The following ADAMTSL1 variants were observed in gnomAD, a reference collection of about 807,000 sequenced individuals.
ADAMTSL1 encodes ADAMTS like 1, also known as ADAMTS-like protein 1.
In ADAMTSL1, 126 loss-of-function variants were observed where a neutral mutation model predicts 201.8. The ratio of observed to expected loss-of-function variants is 0.62; its 90% confidence interval spans 0.54 to 0.72. The LOEUF is 0.72. Ranked by LOEUF, ADAMTSL1 falls within the 30% of genes least tolerant of loss-of-function variation. ADAMTSL1 has a pLI of 0.00. For missense variants in ADAMTSL1, 2,679 were observed against 2,277.8 expected (o/e 1.18, Z -3.59); for synonymous variants, 1,121 against 903.4 (o/e 1.24, Z -4.32).
intron 2 of ADAMTSL1, among the ~76,000 whole-genome samples, chr9:18,278,333 G>C (rs546393734): frequency 1.3e-5 from 2 of 152,258 alleles, no homozygotes; most frequent in African/African-American, 4.8e-5. Context: ...TGGTACAGCA[G>C]GTCTAGAGGT....
chr9:18,074,325 A>G (rs1195400947), intron 1 of ADAMTSL1, among the ~76,000 whole-genome samples: 6 of 152,174 alleles, frequency 3.9e-5, no homozygotes, highest in Admixed American at 3.3e-4. Context: ...CAAAAGATGG[A>G]GTGCATAGAA....
At chr9:18,544,140 T>C (rs1820334036) in intron 3 of ADAMTSL1, among the ~76,000 whole-genome samples, 5 of 152,180 alleles carry the variant, frequency 3.3e-5, no homozygotes, top group Admixed American at 3.3e-4. Context: ...ATAATAGTAA[T>C]GCTCAGTTAT....
At chr9:18,835,791 G>A (rs900535785) in intron 23 of ADAMTSL1, among the ~76,000 whole-genome samples, 1 of 152,034 alleles carries the variant, frequency 6.6e-6, no homozygotes, top group African/African-American at 2.4e-5. Context: ...TCCTGCTTAG[G>A]ATAATGGCCT....
intron 3 of ADAMTSL1, among the ~76,000 whole-genome samples, chr9:18,539,216 C>T (rs1371735557): frequency 1.3e-5 from 2 of 152,192 alleles, no homozygotes; most frequent in African/African-American, 4.8e-5. Flanking sequence ...ATTTATTGAA[C>T]ACCCAACTCC....
intron 4 of ADAMTSL1, among the ~76,000 whole-genome samples, chr9:18,587,624 C>G (rs992723666): frequency 1.3e-5 from 2 of 152,138 alleles, no homozygotes; most frequent in Non-Finnish European, 2.9e-5. Flanking sequence ...ACCAACTTCT[C>G]TTTATTGTTC....
chr9:17,994,514 G>A (rs904934529), intron 1 of ADAMTSL1, among the ~76,000 whole-genome samples: 2 of 151,946 alleles, frequency 1.3e-5, no homozygotes, highest in African/African-American at 4.8e-5. Flanking sequence ...TTAGATATTC[G>A]GTATATTCAG....
chr9:18,893,738 G>A (rs1829441157), intron 26 of ADAMTSL1, among the ~76,000 whole-genome samples: 3 of 152,160 alleles, frequency 2.0e-5, no homozygotes, highest in Admixed American at 2.0e-4. Flanking sequence ...TCAAACTGTA[G>A]ATGCTTCTCA....
intron 23 of ADAMTSL1, among the ~76,000 whole-genome samples, chr9:18,852,683 A>G (rs1469108243): frequency 1.3e-5 from 2 of 152,222 alleles, no homozygotes; most frequent in East Asian, 3.9e-4. Context: ...AAACTAATGA[A>G]AAGAGAATGA....
At chr9:18,692,120 T>TCC (rs1831262175) in intron 13 of ADAMTSL1, among the ~76,000 whole-genome samples, 1 of 152,152 alleles carries the variant, frequency 6.6e-6, no homozygotes, top group Non-Finnish European at 1.5e-5. Context: ...CTTCTGAGGG[T>TCC]CTTTGAAGAC....
intron 2 of ADAMTSL1, among the ~76,000 whole-genome samples, chr9:18,275,885 A>G (rs1832568496): frequency 6.6e-6 from 1 of 152,104 alleles, no homozygotes; most frequent in Non-Finnish European, 1.5e-5. Flanking sequence ...ACCTCAGGGT[A>G]GGATTGTAGG....
intron 14 of ADAMTSL1, among the ~76,000 whole-genome samples, chr9:18,711,403 C>A (rs1201822078): frequency 1.3e-5 from 2 of 152,210 alleles, no homozygotes; most frequent in African/African-American, 4.8e-5. Flanking sequence ...CGTGCGCGAG[C>A]CGAAGCAGGG....
At chr9:18,503,421 G>GTGTATACATATATATA (rs376466829) in intron 1 of ADAMTSL1, among the ~76,000 whole-genome samples, 6 of 115,274 alleles carry the variant, frequency 5.2e-5, no homozygotes, top group African/African-American at 1.8e-4. Context: ...ATTCCATTGT[G>GTGTATACATATATATA]TATATATATA....
intron 9 of ADAMTSL1, 55 bp downstream of exon 9, chr9:18,662,128 G>C: frequency 6.4e-7 from 1 of 1,565,674 alleles, no homozygotes; most frequent in African/African-American, 1.4e-5. Flanking sequence ...TTCCAAATAG[G>C]TTATTTAAAT....
At chr9:18,152,905 C>T (rs763300501) in intron 1 of ADAMTSL1, among the ~76,000 whole-genome samples, 10 of 152,004 alleles carry the variant, frequency 6.6e-5, no homozygotes, top group Non-Finnish European at 1.3e-4. Context: ...TGATTAATCC[C>T]ACGGATTGTC....
intron 2 of ADAMTSL1, among the ~76,000 whole-genome samples, chr9:18,288,646 G>A (rs1195041413): frequency 2.0e-5 from 3 of 151,994 alleles, no homozygotes; most frequent in Non-Finnish European, 4.4e-5. Context: ...AGGCAAAAGG[G>A]AAAGGAAAAG....
chr9:18,176,671 T>C (rs1828174690), intron 2 of ADAMTSL1, among the ~76,000 whole-genome samples: 1 of 152,204 alleles, frequency 6.6e-6, no homozygotes, highest in South Asian at 2.1e-4. Context: ...AACCATTTAC[T>C]GAGCATCAAC....
At chr9:18,470,765 A>G (rs573730901), upstream of ADAMTSL1, among the ~76,000 whole-genome samples, 1 of 152,334 alleles carries the variant, frequency 6.6e-6, no homozygotes, top group South Asian at 2.1e-4. Context: ...CTTCTGTCCA[A>G]GCTGGTGTCT....
At chr9:18,244,266 C>T (rs903494290) in intron 2 of ADAMTSL1, among the ~76,000 whole-genome samples, 5 of 152,062 alleles carry the variant, frequency 3.3e-5, no homozygotes, top group African/African-American at 9.7e-5. Flanking sequence ...CAGACTCTCT[C>T]AAGAGTTTTC....
chr9:18,079,458 C>G (rs761467320), intron 1 of ADAMTSL1, among the ~76,000 whole-genome samples: 30 of 152,052 alleles, frequency 2.0e-4, no homozygotes, highest in Middle Eastern at 6.8e-3. Flanking sequence ...GTGGGCGGAT[C>G]ACGAGGTCAG....
Sources: gnomAD v4.1 joint callset for allele counts (sites outside exome capture counted in the v4.1 genomes callset) on GRCh38, gnomAD v4.1.1 for gene constraint, MANE v1.5 for transcripts, NCBI Gene and HGNC (gene_info 2026-07-23, HGNC 2026-07-21) for gene names.